Variants in PCBP3 observed in about 807,000 individuals in gnomAD.
The protein encoded by PCBP3 is poly(rC) binding protein 3, also known as poly(rC)-binding protein 3.
A neutral mutation model predicts 52.7 loss-of-function variants in PCBP3; 25 were observed. The ratio of observed to expected loss-of-function variants is 0.47; its 90% CI spans 0.35 to 0.66. The LOEUF is 0.66. PCBP3 is among the 30% of genes least tolerant of loss of function. The pLI, the probability that PCBP3 is intolerant of heterozygous loss-of-function variation, is 0.01. For missense variants in PCBP3, 391 were observed against 490.3 expected, an observed-to-expected ratio of 0.80 and a Z score of 1.91; for synonymous variants, 162 against 183.0, an observed-to-expected ratio of 0.89 and a Z score of 0.93.
intron 4 of PCBP3, among the ~76,000 whole-genome samples, chr21:45,815,419 AGTGAGTG>A (rs1486254391): frequency 2.5e-5 from 2 of 81,252 alleles, no homozygotes; most frequent in Non-Finnish European, 4.9e-5. Context: ...GTGAGTGATG[AGTGAGTG>A]GTGAGTGGTG....
intron 5 of PCBP3, among the ~76,000 whole-genome samples, chr21:45,878,562 G>A (rs1410699987): frequency 6.6e-6 from 1 of 152,220 alleles, no homozygotes; most frequent in Admixed American, 6.5e-5. Flanking sequence ...TGGCCCCCAG[G>A]TCCCAGCCGG....
chr21:45,714,684 C>T (rs1017503355), intron 2 of PCBP3, among the ~76,000 whole-genome samples: 1 of 152,120 alleles, frequency 6.6e-6, no homozygotes, highest in African/African-American at 2.4e-5. Context: ...GAGACGAATC[C>T]ATGAAATGTG....
chr21:45,723,724 C>T (rs1448772468), intron 2 of PCBP3, among the ~76,000 whole-genome samples: 3 of 152,216 alleles, frequency 2.0e-5, no homozygotes, highest in Admixed American at 6.5e-5. Flanking sequence ...ACAGCCCGCA[C>T]AACACGCAGG....
rs2095374638 is a variant in PCBP3 at position 45,880,462 on chromosome 21, A to G, written c.11-15746A>G. Among the ~76,000 whole-genome samples, 1 of 152,252 alleles carries G rather than the reference A, an allele frequency of 6.6e-6. No individual in the cohort carries two copies. The highest frequency in any genetic ancestry group is 2.4e-5 in the African/African-American group (1 of 41,460). The stretch of plus-strand genomic sequence containing the variant: ...AGGAGTGGGTGGTGTGGGAGAAAAT[A>G]GGATTACGGTGCTTCTGAGTATTGA... On this transcript the variant is annotated intron_variant, in intron 5 of 17. Coordinates refer to ENST00000681687, the MANE Select transcript of PCBP3 (RefSeq NM_001384156.1). The surrounding 1 kb of genome is among the most constrained non-coding windows in gnomAD (Gnocchi z 5.4).
chr21:45,873,418 G>T (rs994820322), intron 5 of PCBP3: 1 of 152,166 alleles, frequency 6.6e-6, no homozygotes, highest in African/African-American at 2.4e-5. Flanking sequence ...TTCTAACGTG[G>T]TTTATCATTT....
intron 13 of PCBP3, among the ~76,000 whole-genome samples, chr21:45,920,291 T>C (rs1383100626): frequency 1.3e-5 from 2 of 152,160 alleles, no homozygotes; most frequent in Non-Finnish European, 2.9e-5. Flanking sequence ...CCAGAATGCT[T>C]GTGGTCTGAA....
intron 4 of PCBP3, among the ~76,000 whole-genome samples, chr21:45,808,885 T>C (rs1317428369): frequency 6.6e-6 from 1 of 152,190 alleles, no homozygotes; most frequent in Non-Finnish European, 1.5e-5. Flanking sequence ...TCATGTCCTT[T>C]GCAGGGACAT....
At chr21:45,889,554 CA>C (rs2095602616) in intron 5 of PCBP3, among the ~76,000 whole-genome samples, 1 of 152,232 alleles carries the variant, frequency 6.6e-6, no homozygotes. Flanking sequence ...TGGCCAGGGC[CA>C]CGGCCAGCCT....
chr21:45,810,512 C>A (rs569190492), intron 4 of PCBP3, among the ~76,000 whole-genome samples: 5 of 152,192 alleles, frequency 3.3e-5, no homozygotes, highest in South Asian at 4.1e-4. Context: ...GATCTTCCCA[C>A]CTCGGTCTCC....
At chr21:45,730,672 T>A (rs142286346) in intron 2 of PCBP3, among the ~76,000 whole-genome samples, 1 of 152,306 alleles carries the variant, frequency 6.6e-6, no homozygotes, top group African/African-American at 2.4e-5. Flanking sequence ...TTTATCTATT[T>A]GGTGGGGGGT....
intron 4 of PCBP3, among the ~76,000 whole-genome samples, chr21:45,784,397 G>GCTACCTCTACCTCTACCT (rs1203919271): frequency 1.4e-5 from 1 of 70,332 alleles, no homozygotes; most frequent in African/African-American, 6.8e-5. Context: ...TACCTCTACC[G>GCTACCTCTACCTCTACCT]CTACCTCTAC....
intron 4 of PCBP3, chr21:45,762,560 G>C (rs2088812926): frequency 6.8e-6 from 1 of 147,696 alleles, no homozygotes; most frequent in Non-Finnish European, 1.5e-5. Flanking sequence ...CATGATCTTG[G>C]CTCAACCTTG....
At chr21:45,750,303 G>C (rs1337299922) in intron 3 of PCBP3, 2 of 151,910 alleles carry the variant, frequency 1.3e-5, no homozygotes. Flanking sequence ...ACTTAGCCGT[G>C]GTTGGTTTCT....
At chr21:45,684,155 A>C (rs1159009731) in intron 2 of PCBP3, among the ~76,000 whole-genome samples, 3 of 151,988 alleles carry the variant, frequency 2.0e-5, no homozygotes, top group African/African-American at 7.3e-5. Flanking sequence ...TTAAGCTCAG[A>C]AGTTCAAGGC....
chr21:45,917,569 G>T lies in PCBP3; in HGVS notation c.676-19G>T, dbSNP rs771562863. 54 of 1,602,586 alleles carry T rather than the reference G, an allele frequency of 3.4e-5. No individual in the cohort carries two copies. The highest frequency in any genetic ancestry group is 4.1e-5 in the Non-Finnish European group (48 of 1,170,378). The stretch of plus-strand genomic sequence containing the variant: ...GTGCAGCCAGGTTGCAGTCTGACGG[G>T]GTCTCTCTCTCTCTCTAGGCCTACA... On this transcript the variant is annotated intron_variant, in intron 12 of 17. Transcript: ENST00000681687. The surrounding 1 kb of genome is among the most constrained non-coding windows in gnomAD (Gnocchi z 5.3).
At chr21:45,644,549 G>T (rs149377040) in intron 1 of PCBP3, among the ~76,000 whole-genome samples, 30 of 151,820 alleles carry the variant, frequency 2.0e-4, no homozygotes, top group Admixed American at 1.7e-3. Context: ...AATTCCCTCC[G>T]CGCCACTCTG....
rs559779318 is a variant in PCBP3, at chr21:45,909,652, A to C, written c.471+166A>C. On this transcript the variant is annotated intron_variant, in intron 10 of 17. Transcript: ENST00000681687. ...AGTGCGAGACAGGAACACAGGACCC[A>C]TGAGCAAGCACAACTGCACTGCAGG... Among the ~76,000 whole-genome samples the C allele has an allele frequency of 2.1e-3, 323 of 152,038 alleles. 2 individuals carry two copies. Among genetic ancestry groups the C allele is most frequent in the African/African-American group, 7.6e-3 (315 of 41,460 alleles).
At chr21:45,785,223 G>A (rs1304203369) in intron 4 of PCBP3, among the ~76,000 whole-genome samples, 2 of 151,094 alleles carry the variant, frequency 1.3e-5, no homozygotes, top group Non-Finnish European at 3.0e-5. Flanking sequence ...CCCTCCGCCC[G>A]GCAGCCACCC....
intron 4 of PCBP3, among the ~76,000 whole-genome samples, chr21:45,757,760 C>T (rs897182424): frequency 6.6e-6 from 1 of 152,160 alleles, no homozygotes; most frequent in African/African-American, 2.4e-5. Context: ...GTTGTCACAG[C>T]ACTCCATATT....
Sources: allele counts gnomAD v4.1 joint callset (sites outside exome capture counted in the v4.1 genomes callset), GRCh38; gene constraint gnomAD v4.1.1; non-coding constraint Gnocchi (gnomAD v3.1); transcripts MANE v1.5; gene names NCBI Gene and HGNC (gene_info 2026-07-23, HGNC 2026-07-21).